The following CREB5 variants were observed in gnomAD, a reference collection of about 807,000 sequenced individuals.
CREB5 encodes cAMP responsive element binding protein 5.
In CREB5, 19 loss-of-function variants were observed where a neutral mutation model predicts 57.1. That is an observed-to-expected ratio of 0.33 (90% CI 0.23 to 0.49). The LOEUF is 0.49. CREB5 is among the 20% of genes least tolerant of loss of function. The probability of loss-of-function intolerance (pLI) is 0.99; values close to 1 mark genes in which losing one functional copy is unlikely to be tolerated. For synonymous variants in CREB5, 238 were observed against 238.3 expected (o/e 1.00, Z 0.01); for missense variants, 579 against 671.6 (o/e 0.86, Z 1.52).
intron 1 of CREB5, among the ~76,000 whole-genome samples, chr7:28,384,114 A>G (rs1787027681): frequency 6.6e-6 from 1 of 152,102 alleles, no homozygotes; most frequent in Non-Finnish European, 1.5e-5. Context: ...ATTAGATCGG[A>G]TGAAATATCG....
At chr7:28,571,799 G>A (rs1463171121) in intron 5 of CREB5, among the ~76,000 whole-genome samples, 1 of 152,196 alleles carries the variant, frequency 6.6e-6, no homozygotes. Flanking sequence ...AGAGCACATG[G>A]GTTCTTAGGA....
intron 1 of CREB5, among the ~76,000 whole-genome samples, chr7:28,322,460 G>T (rs1253891495): frequency 6.6e-6 from 1 of 151,728 alleles, no homozygotes; most frequent in Non-Finnish European, 1.5e-5. Context: ...TTAAGTTCTG[G>T]GATACATGTG....
intron 5 of CREB5, 21 bp downstream of exon 5, chr7:28,570,558 G>T (rs753073429): frequency 6.2e-7 from 1 of 1,608,676 alleles, no homozygotes; most frequent in Non-Finnish European, 8.5e-7. Flanking sequence ...CTCCTTGGCT[G>T]CCCCTGGGTC....
intron 5 of CREB5, among the ~76,000 whole-genome samples, chr7:28,666,222 G>T (rs1799817440): frequency 6.6e-6 from 1 of 152,098 alleles, no homozygotes; most frequent in African/African-American, 2.4e-5. Flanking sequence ...CACCATTCAA[G>T]CTACAAAACA....
Position 28,440,928 on chromosome 7 carries a change from A to C in CREB5, c.3+28011A>C, listed in dbSNP as rs928156886. Among the ~76,000 whole-genome samples, 6 of 152,340 alleles carry C rather than the reference A, an allele frequency of 3.9e-5. No individual in the cohort carries two copies. The South Asian group carries it at 1.2e-3, about 32-fold the overall frequency. On this transcript the variant is annotated intron_variant, in intron 1 of 10. Transcript: ENST00000357727. ...AAGAGGGCACGCTGAGGTTGGGTGC[A>C]TTGGGATATATAATGACTTTTGTAA...
intron 4 of CREB5, among the ~76,000 whole-genome samples, chr7:28,520,307 C>T (rs1048302079): frequency 1.1e-4 from 17 of 152,218 alleles, no homozygotes; most frequent in African/African-American, 3.9e-4. Flanking sequence ...CCTCCTGCCT[C>T]AGGCTTTTGG....
upstream of CREB5, chr7:28,410,685 G>A: frequency 5.1e-6 from 2 of 389,712 alleles, no homozygotes; most frequent in South Asian, 3.7e-5. Context: ...TGCAGAATGT[G>A]TTTGATTTTT....
chr7:28,391,741 T>C (rs1434076606), intron 1 of CREB5, among the ~76,000 whole-genome samples: 1 of 152,194 alleles, frequency 6.6e-6, no homozygotes, highest in East Asian at 1.9e-4. Context: ...GAACAACAAA[T>C]CAATCTTCCA....
At chr7:28,328,288 A>G (rs1785647120) in intron 1 of CREB5, among the ~76,000 whole-genome samples, 1 of 152,184 alleles carries the variant, frequency 6.6e-6, no homozygotes, top group African/African-American at 2.4e-5. Flanking sequence ...CTTTATTGTC[A>G]TGTCTATAGT....
chr7:28,777,991 T>A (rs34399011), intron 7 of CREB5, among the ~76,000 whole-genome samples: 39,520 of 152,180 alleles, frequency 0.26, 5,800 homozygotes, highest in Non-Finnish European at 0.34. Flanking sequence ...TGTCACATAC[T>A]AATTTACTGT....
chr7:28,379,827 A>C (rs912970045), intron 1 of CREB5, among the ~76,000 whole-genome samples: 1 of 152,196 alleles, frequency 6.6e-6, no homozygotes, highest in Non-Finnish European at 1.5e-5. Flanking sequence ...TCAGAAATAC[A>C]AATTCTTGAG....
intron 7 of CREB5, among the ~76,000 whole-genome samples, chr7:28,791,908 G>C (rs1270376712): frequency 1.3e-5 from 2 of 152,168 alleles, no homozygotes; most frequent in Non-Finnish European, 2.9e-5. Flanking sequence ...CAGTAAAAAA[G>C]TAGATTTAGA....
At chr7:28,509,759 T>C (rs2128608080) in intron 4 of CREB5, among the ~76,000 whole-genome samples, 1 of 152,292 alleles carries the variant, frequency 6.6e-6, no homozygotes, top group African/African-American at 2.4e-5. Context: ...AAACATGTTA[T>C]TTTCTCTCTT....
At chr7:28,411,327 C>A (rs539250804), upstream of CREB5, among the ~76,000 whole-genome samples, 23 of 152,286 alleles carry the variant, frequency 1.5e-4, no homozygotes, top group South Asian at 2.9e-3. Flanking sequence ...CAAGACTAAA[C>A]GTTTCATTTC....
At chr7:28,337,477 A>G (rs963074726) in intron 1 of CREB5, among the ~76,000 whole-genome samples, 1 of 151,632 alleles carries the variant, frequency 6.6e-6, no homozygotes, top group African/African-American at 2.4e-5. Flanking sequence ...TTATAGTTTC[A>G]TCTTGCAATT....
At chr7:28,554,215 T>C (rs1794776759) in intron 4 of CREB5, among the ~76,000 whole-genome samples, 1 of 152,250 alleles carries the variant, frequency 6.6e-6, no homozygotes, top group African/African-American at 2.4e-5. Flanking sequence ...AGTCCTACTC[T>C]TGCCTCCATT....
chr7:28,356,399 T>G (rs1319956200), intron 1 of CREB5, among the ~76,000 whole-genome samples: 1 of 152,210 alleles, frequency 6.6e-6, no homozygotes, highest in Non-Finnish European at 1.5e-5. Flanking sequence ...AGCAATAGGT[T>G]TTATTTTTAC....
At chr7:28,316,937 C>T (rs910219454) in intron 1 of CREB5, among the ~76,000 whole-genome samples, 1 of 151,702 alleles carries the variant, frequency 6.6e-6, no homozygotes, top group Non-Finnish European at 1.5e-5. Context: ...AGCAGATACA[C>T]TGTTGGGTCA....
chr7:28,454,601 C>T (rs1486715349), intron 1 of CREB5, among the ~76,000 whole-genome samples: 5 of 152,146 alleles, frequency 3.3e-5, no homozygotes, highest in Admixed American at 6.5e-5. Context: ...CAGCTTATGT[C>T]GTGATAGGTC....
Sources: gnomAD v4.1 joint callset for allele counts (sites outside exome capture counted in the v4.1 genomes callset) on GRCh38, gnomAD v4.1.1 for gene constraint, MANE v1.5 for transcripts, NCBI Gene and HGNC (gene_info 2026-07-23, HGNC 2026-07-21) for gene names.